ZNF385B: variants seen among roughly 807,000 people sequenced by gnomAD.
ZNF385B encodes the protein zinc finger protein 385B, also known as zinc finger protein 533.
A neutral mutation model predicts 39.2 loss-of-function variants in ZNF385B; 23 were observed. The observed-to-expected ratio is 0.59, with a 90% CI of 0.42 to 0.83. The LOEUF is 0.83. Ranked by LOEUF, ZNF385B falls within the 40% of genes least tolerant of loss-of-function variation. The probability of loss-of-function intolerance (pLI) is 0.00; values close to 1 mark genes in which losing one functional copy is unlikely to be tolerated. For missense variants in ZNF385B, 552 were observed against 598.9 expected (o/e 0.92, Z 0.82); for synonymous variants, 205 against 222.6 (o/e 0.92, Z 0.70).
At chr2:179,642,323 A>G (rs749837984) in intron 3 of ZNF385B, among the ~76,000 whole-genome samples, 3 of 152,176 alleles carry the variant, frequency 2.0e-5, no homozygotes, top group Non-Finnish European at 4.4e-5. Flanking sequence ...GATGGTCAAT[A>G]ATGTTCTTCC....
intron 5 of ZNF385B, among the ~76,000 whole-genome samples, chr2:179,516,004 C>T (rs957039750): frequency 3.9e-5 from 6 of 152,118 alleles, no homozygotes; most frequent in Admixed American, 2.0e-4. Context: ...GAAAGTTATC[C>T]GAGTGCAATC....
At chr2:179,574,390 A>T (rs1196299583) in intron 3 of ZNF385B, among the ~76,000 whole-genome samples, 1 of 152,196 alleles carries the variant, frequency 6.6e-6, no homozygotes, top group Non-Finnish European at 1.5e-5. Context: ...AGCCAGTGCA[A>T]ACAACAAAGT....
chr2:179,468,818 A>C (rs2052407782), intron 6 of ZNF385B, among the ~76,000 whole-genome samples: 1 of 151,490 alleles, frequency 6.6e-6, no homozygotes, highest in African/African-American at 2.4e-5. Flanking sequence ...TTTTTGCCTC[A>C]GGCTGCTTCA....
chr2:179,550,420 G>T (rs1396011849), intron 3 of ZNF385B, among the ~76,000 whole-genome samples: 1 of 149,514 alleles, frequency 6.7e-6, no homozygotes, highest in African/African-American at 2.5e-5. Flanking sequence ...AATGCGCAAT[G>T]ATCCCCCTTA....
intron 3 of ZNF385B, among the ~76,000 whole-genome samples, chr2:179,697,437 T>C (rs1169344534): frequency 6.6e-6 from 1 of 152,218 alleles, no homozygotes; most frequent in Non-Finnish European, 1.5e-5. Flanking sequence ...GGGAAGAAGA[T>C]GCCTTGTTTC....
chr2:179,525,431 T>C (rs1249136440), intron 4 of ZNF385B, among the ~76,000 whole-genome samples: 1 of 152,158 alleles, frequency 6.6e-6, no homozygotes, highest in Non-Finnish European at 1.5e-5. Context: ...ATTATAACTG[T>C]TGGGTTTGCA....
At chr2:179,610,966 T>C (rs368762613) in intron 3 of ZNF385B, among the ~76,000 whole-genome samples, 40 of 152,318 alleles carry the variant, frequency 2.6e-4, no homozygotes, top group African/African-American at 6.0e-4. Context: ...TTTCCAAGTA[T>C]AAGATTATAT....
intron 3 of ZNF385B, among the ~76,000 whole-genome samples, chr2:179,639,995 TTAATC>T (rs1692121311): frequency 6.6e-6 from 1 of 152,140 alleles, no homozygotes; most frequent in South Asian, 2.1e-4. Context: ...ATGCTTAATC[TTAATC>T]TAATCATGAG....
chr2:179,838,261 G>C (rs1457023772), intron 1 of ZNF385B, among the ~76,000 whole-genome samples: 3 of 152,148 alleles, frequency 2.0e-5, no homozygotes, highest in East Asian at 3.8e-4. Context: ...AGAAACCACA[G>C]TCTGAGAAAA....
At chr2:179,668,593 A>G (rs1695489346) in intron 3 of ZNF385B, among the ~76,000 whole-genome samples, 1 of 148,800 alleles carries the variant, frequency 6.7e-6, no homozygotes, top group Non-Finnish European at 1.5e-5. Context: ...AGTTCATCTT[A>G]TCACACAGTT....
At chr2:179,776,701 C>T (rs1704342588) in intron 1 of ZNF385B, among the ~76,000 whole-genome samples, 2 of 152,016 alleles carry the variant, frequency 1.3e-5, no homozygotes, top group Non-Finnish European at 2.9e-5. Context: ...ACAAGGAAGG[C>T]AGTGGTCCAA....
intron 3 of ZNF385B, among the ~76,000 whole-genome samples, chr2:179,613,351 A>C (rs1397632342): frequency 2.0e-5 from 3 of 152,162 alleles, no homozygotes; most frequent in Non-Finnish European, 4.4e-5. Context: ...TCACACCTGA[A>C]GCCAGCACAT....
chr2:179,731,389 G>A (rs1701378743), intron 3 of ZNF385B, among the ~76,000 whole-genome samples: 1 of 152,132 alleles, frequency 6.6e-6, no homozygotes, highest in East Asian at 1.9e-4. Context: ...CTGATACCAA[G>A]TCACAAAATC....
At chr2:179,796,116 T>C (rs1270013833) in intron 1 of ZNF385B, 1 of 152,078 alleles carries the variant, frequency 6.6e-6, no homozygotes, top group Non-Finnish European at 1.5e-5. Context: ...CTTATACCAA[T>C]CTTGAGGAAA....
In ZNF385B at chr2:179,756,983, C is replaced by G. The variant is rs545427383; in HGVS notation, c.298+12520G>C. 3.4e-3 allele frequency among the ~76,000 whole-genome samples: 514 copies of G among 152,310 alleles called. 4 individuals carry two copies. Among genetic ancestry groups the G allele is most frequent in the African/African-American group, 0.012 (497 of 41,572 alleles). On this transcript the variant is annotated intron_variant, in intron 3 of 9. Transcript: ENST00000410066. ...CAACTCATCAACGTCATTCTCTGTC[C>G]AGCTTTGTTCTGTTGCTGGCAAGGA...
chr2:179,483,704 C>G (rs192662205), intron 5 of ZNF385B, among the ~76,000 whole-genome samples: 21 of 152,322 alleles, frequency 1.4e-4, no homozygotes, highest in Non-Finnish European at 2.2e-4. Flanking sequence ...AACTGTGACA[C>G]AGGTGAGCTT....
At chr2:179,717,292 T>G (rs1405805062) in intron 3 of ZNF385B, among the ~76,000 whole-genome samples, 3 of 152,226 alleles carry the variant, frequency 2.0e-5, no homozygotes, top group Non-Finnish European at 4.4e-5. Context: ...TTCTAAAGCT[T>G]AATCTTTTGA....
chr2:179,687,881 C>T (rs1698046231), intron 3 of ZNF385B, among the ~76,000 whole-genome samples: 1 of 152,198 alleles, frequency 6.6e-6, no homozygotes, highest in African/African-American at 2.4e-5. Flanking sequence ...CTAGAAGCTA[C>T]TATATTGCTA....
intron 3 of ZNF385B, among the ~76,000 whole-genome samples, chr2:179,691,913 T>C (rs1164498965): frequency 6.6e-6 from 1 of 152,220 alleles, no homozygotes; most frequent in Non-Finnish European, 1.5e-5. Flanking sequence ...GGTATACATG[T>C]GATATTTTAA....
Sources: allele counts gnomAD v4.1 joint callset (sites outside exome capture counted in the v4.1 genomes callset), GRCh38; gene constraint gnomAD v4.1.1; transcripts MANE v1.5; gene names NCBI Gene and HGNC (gene_info 2026-07-23, HGNC 2026-07-21).